Variants in COL15A1 observed in about 807,000 individuals in gnomAD.
COL15A1 encodes the protein collagen alpha-1(XV) chain.
In COL15A1, 111 loss-of-function variants were observed where a neutral mutation model predicts 165.9. The observed-to-expected ratio is 0.67, with a 90% confidence interval of 0.57 to 0.78. The LOEUF (loss-of-function observed/expected upper bound fraction) is 0.78, where lower values mean the gene tolerates loss of function less well. Ranked by LOEUF, COL15A1 falls within the 30% of genes least tolerant of loss-of-function variation. The probability of loss-of-function intolerance (pLI) is 0.00; values close to 1 mark genes in which losing one functional copy is unlikely to be tolerated. For missense variants in COL15A1, 1,745 were observed against 1,789.7 expected (o/e 0.98, Z 0.45); for synonymous variants, 659 against 674.8 (o/e 0.98, Z 0.36).
chr9:99,055,401 C>A (rs371679554), intron 34 of COL15A1, 29 bp downstream of exon 34: 1 of 1,374,340 alleles, frequency 7.3e-7, no homozygotes, highest in Non-Finnish European at 1.0e-6. Context: ...AAGTCATCTA[C>A]CCCAAAGACT....
At chr9:98,991,145 A>G (rs1411109768) in intron 5 of COL15A1, among the ~76,000 whole-genome samples, 1 of 152,184 alleles carries the variant, frequency 6.6e-6, no homozygotes, top group South Asian at 2.1e-4. Flanking sequence ...ACCCAAAGAC[A>G]CTAACAGCGA....
intron 39 of COL15A1, among the ~76,000 whole-genome samples, chr9:99,065,737 T>TG (rs1825881295): frequency 6.7e-6 from 1 of 149,160 alleles, no homozygotes; most frequent in African/African-American, 2.5e-5. Context: ...GTGGCAGCCT[T>TG]GGGGTCTGTC....
chr9:98,962,515 A>G (rs1206244382), intron 2 of COL15A1, among the ~76,000 whole-genome samples: 3 of 152,234 alleles, frequency 2.0e-5, no homozygotes, highest in Admixed American at 6.5e-5. Flanking sequence ...ACATTTTTAT[A>G]TTATTAAAAC....
At chr9:99,004,491 C>G (rs371377723) in intron 8 of COL15A1, among the ~76,000 whole-genome samples, 3 of 152,182 alleles carry the variant, frequency 2.0e-5, no homozygotes, top group Admixed American at 2.0e-4. Context: ...GAGAGTGGGA[C>G]AGGGAGTGGT....
intron 24 of COL15A1, among the ~76,000 whole-genome samples, 173 bp from the exon 25 acceptor site, chr9:99,044,395 G>A (rs1318267699): frequency 6.6e-6 from 1 of 152,138 alleles, no homozygotes; most frequent in Admixed American, 6.5e-5. Flanking sequence ...CTAGTACGAG[G>A]TAATTTTGGA....
chr9:98,989,058 A>ACG, intron 4 of COL15A1, 120 bp from the exon 5 acceptor site: 1 of 725,624 alleles, frequency 1.4e-6, no homozygotes, highest in East Asian at 2.7e-5. Flanking sequence ...ACACACACAC[A>ACG]CACACACGGT....
chr9:98,953,956 C>A (rs996835138), intron 2 of COL15A1, among the ~76,000 whole-genome samples: 5 of 152,248 alleles, frequency 3.3e-5, no homozygotes, highest in Non-Finnish European at 7.3e-5. Flanking sequence ...TTATTCCTGG[C>A]TTCCTGCTGT....
intron 2 of COL15A1, among the ~76,000 whole-genome samples, chr9:98,979,917 G>A (rs888492570): frequency 6.6e-6 from 1 of 152,078 alleles, no homozygotes; most frequent in Non-Finnish European, 1.5e-5. Context: ...CAGCATTTTG[G>A]GAGGCCGAGG....
rs757669250 is a variant in COL15A1 at position 99,025,025 on chromosome 9, T to C, written c.1980+26T>C. 4.4e-6 allele frequency: 7 copies of C among 1,607,316 alleles called. 1 individual carries two copies. In the Admixed American group the frequency reaches 1.2e-4, roughly 27 times the overall value. On this transcript the variant is annotated intron_variant, in intron 15 of 41. Transcript: ENST00000375001. Reference sequence around the variant, plus strand: ...GTGAGCAACTGAAGTCTTCTCCCCATCTCTGTGGCTGTGGGGCTTCCTTTA... The same window carrying C: ...GTGAGCAACTGAAGTCTTCTCCCCACCTCTGTGGCTGTGGGGCTTCCTTTA...
At chr9:99,006,146 G>A (rs1367135832) in intron 9 of COL15A1, among the ~76,000 whole-genome samples, 1 of 152,048 alleles carries the variant, frequency 6.6e-6, no homozygotes, top group Non-Finnish European at 1.5e-5. Flanking sequence ...TTAGAATTCA[G>A]CTCAAACACC....
rs568237811 is a variant in COL15A1, at chr9:98,989,191, C to G, written c.737C>G (p.Thr246Ser). 101 of 1,614,046 alleles carry G rather than the reference C, an allele frequency of 6.3e-5. 2 individuals are homozygous for G. In the South Asian group the frequency reaches 1.0e-3, roughly 16 times the overall value. The change falls in exon 5 of 42, where the codon ACC (threonine) becomes AGC (serine). Residue 246 changes from threonine (T) to serine (S), a missense_variant. Physicochemically the swap from Thr to Ser is moderately conservative, Grantham distance 58 (BLOSUM62 1). Coordinates refer to ENST00000375001, the MANE Select transcript of COL15A1 (RefSeq NM_001855.5). ...GTCTCCACACAGGCATCTGGAGAGA[C>G]CAGTGGGCTGCAGGAGGCAGACGGA... ...DPEESSASGE[T>S]SGLQEADGVA... is the part of the protein sequence containing the mutation.
chr9:98,975,085 A>C (rs934811009), intron 2 of COL15A1, among the ~76,000 whole-genome samples: 6 of 152,158 alleles, frequency 3.9e-5, no homozygotes, highest in Admixed American at 6.5e-5. Flanking sequence ...TCCCGTAGAG[A>C]CCGCCAGGAG....
chr9:99,030,852 GTT>G (rs1162233224), intron 16 of COL15A1, among the ~76,000 whole-genome samples: 2 of 152,244 alleles, frequency 1.3e-5, no homozygotes, highest in East Asian at 3.8e-4. Context: ...ATTAAAGACA[GTT>G]TGCAATGGGC....
chr9:99,016,354 G>A (rs1219551430), intron 11 of COL15A1, among the ~76,000 whole-genome samples: 1 of 152,240 alleles, frequency 6.6e-6, no homozygotes, highest in African/African-American at 2.4e-5. Context: ...GTCCCAAACT[G>A]ATCTTTGGAT....
At chr9:99,029,087 C>A (rs1484178459) in intron 16 of COL15A1, among the ~76,000 whole-genome samples, 1 of 152,206 alleles carries the variant, frequency 6.6e-6, no homozygotes, top group Admixed American at 6.5e-5. Context: ...TCTGAAAAAT[C>A]ATTCCTTTCT....
rs144077961 is a variant in COL15A1, at chr9:99,058,143, C to T, written c.3337+1739C>T. On this transcript the variant is annotated intron_variant, in intron 35 of 41. Transcript: ENST00000375001. ...ACCACAAACCACATCCTCTGCACAG[C>T]GGGAAATATGGTTACTGACAACTTA... 2.7e-3 allele frequency among the ~76,000 whole-genome samples: 415 copies of T among 152,280 alleles called. 1 individual carries two copies. The highest frequency in any genetic ancestry group is 4.3e-3 in the Non-Finnish European group (295 of 68,034).
chr9:99,031,470 A>G (rs1183781957), intron 16 of COL15A1, among the ~76,000 whole-genome samples: 1 of 152,176 alleles, frequency 6.6e-6, no homozygotes, highest in African/African-American at 2.4e-5. Context: ...CACAACTACC[A>G]AGCAAACAGC....
intron 2 of COL15A1, among the ~76,000 whole-genome samples, chr9:98,944,523 A>G (rs1837544421): frequency 6.6e-6 from 1 of 152,120 alleles, no homozygotes; most frequent in Non-Finnish European, 1.5e-5. Context: ...AATCTTAGGC[A>G]GAGAGGGACT....
intron 3 of COL15A1, 176 bp downstream of exon 3, chr9:98,986,288 A>G (rs1195142735): frequency 1.7e-6 from 1 of 590,844 alleles, no homozygotes; most frequent in Non-Finnish European, 3.0e-6. Flanking sequence ...TTCCATCCTC[A>G]GTTTTCAACT....
Sources: gnomAD v4.1 joint callset for allele counts (sites outside exome capture counted in the v4.1 genomes callset) on GRCh38, gnomAD v4.1.1 for gene constraint, MANE v1.5 for transcripts, NCBI Gene and HGNC (gene_info 2026-07-23, HGNC 2026-07-21) for gene names.